The following SRRM4 variants were observed in gnomAD, a reference collection of about 807,000 sequenced individuals.
The protein encoded by SRRM4 is serine/arginine repetitive matrix 4, also known as serine/arginine repetitive matrix protein 4.
Under a neutral mutation model 68.9 loss-of-function variants are expected in SRRM4, and 33 were observed. The observed-to-expected ratio is 0.48, with a 90% confidence interval of 0.36 to 0.64. The LOEUF (loss-of-function observed/expected upper bound fraction) is 0.64. SRRM4 is among the 30% of genes least tolerant of loss of function. The pLI is 0.00. For synonymous variants in SRRM4, 318 were observed against 318.8 expected (o/e 1.00, Z 0.03); for missense variants, 817 against 827.1 (o/e 0.99, Z 0.15).
intron 1 of SRRM4, among the ~76,000 whole-genome samples, chr12:119,096,022 TTTTA>T (rs1368571044): frequency 7.3e-5 from 11 of 151,332 alleles, no homozygotes; most frequent in Non-Finnish European, 1.2e-4. Context: ...CTCAGTTGAT[TTTTA>T]TTTATTTATT....
At chr12:119,093,979 G>C (rs1383217732) in intron 1 of SRRM4, among the ~76,000 whole-genome samples, 1 of 152,136 alleles carries the variant, frequency 6.6e-6, no homozygotes. Flanking sequence ...TCAAAACCCG[G>C]TCAGGTTGGG....
intron 1 of SRRM4, among the ~76,000 whole-genome samples, chr12:119,094,639 C>A (rs1259505326): frequency 2.6e-5 from 4 of 152,196 alleles, no homozygotes; most frequent in African/African-American, 7.2e-5. Context: ...ACTTTCCTGA[C>A]CAATTTCTAT....
At chr12:119,129,872 AATGGATGGATGGATGGATGG>A (rs112594447) in intron 7 of SRRM4, among the ~76,000 whole-genome samples, 6 of 137,000 alleles carry the variant, frequency 4.4e-5, no homozygotes, top group African/African-American at 1.7e-4. Flanking sequence ...TAGTTGGACA[AATGGATGGATGGATGGATGG>A]ATGGATGGAT....
chr12:119,105,043 C>T (rs1265361944), intron 2 of SRRM4, among the ~76,000 whole-genome samples: 1 of 140,230 alleles, frequency 7.1e-6, no homozygotes, highest in Non-Finnish European at 1.5e-5. Flanking sequence ...TTGTTCAATT[C>T]CCACCTATGA....
intron 1 of SRRM4, among the ~76,000 whole-genome samples, chr12:119,075,440 G>A (rs960766261): frequency 1.9e-4 from 6 of 31,592 alleles, no homozygotes; most frequent in South Asian, 1.8e-3. Flanking sequence ...GATGATGATG[G>A]TGATGATGAT....
chr12:119,137,785 C>T (rs1298676846), intron 8 of SRRM4, among the ~76,000 whole-genome samples: 1 of 151,850 alleles, frequency 6.6e-6, no homozygotes, highest in Non-Finnish European at 1.5e-5. Context: ...CTACCCTGAC[C>T]CAGAGAGAAA....
chr12:119,130,595 C>T, intron 7 of SRRM4, 83 bp from the exon 8 acceptor site: 9 of 1,370,888 alleles, frequency 6.6e-6, no homozygotes, highest in Non-Finnish European at 8.9e-6. Context: ...ACTTTATCAT[C>T]CTCAGATCCT....
chr12:119,110,736 T>G (rs536410403), intron 2 of SRRM4, among the ~76,000 whole-genome samples: 1 of 152,278 alleles, frequency 6.6e-6, no homozygotes, highest in Admixed American at 6.5e-5. Context: ...CGGCTTCCCT[T>G]GGCTAGGAAA....
At chr12:119,142,736 A>T (rs926635654) in intron 8 of SRRM4, among the ~76,000 whole-genome samples, 10 of 152,086 alleles carry the variant, frequency 6.6e-5, no homozygotes, top group Admixed American at 2.6e-4. Context: ...ACCACTCACC[A>T]TCTCTGGGGC....
intron 1 of SRRM4, among the ~76,000 whole-genome samples, chr12:119,077,745 C>T (rs1332415104): frequency 1.3e-5 from 2 of 152,184 alleles, no homozygotes; most frequent in Non-Finnish European, 2.9e-5. Flanking sequence ...AGTACCCTAT[C>T]TGGCACACAG....
At chr12:119,042,955 A>T (rs916433519) in intron 1 of SRRM4, among the ~76,000 whole-genome samples, 4 of 152,202 alleles carry the variant, frequency 2.6e-5, no homozygotes, top group African/African-American at 9.7e-5. Context: ...AGTGTAAATT[A>T]GTTCCACCAT....
At chr12:119,050,471 A>G (rs1953735611) in intron 1 of SRRM4, among the ~76,000 whole-genome samples, 2 of 152,240 alleles carry the variant, frequency 1.3e-5, no homozygotes, top group South Asian at 2.1e-4. Flanking sequence ...GTAGGTGTTC[A>G]TAAATTTTCC....
chr12:118,983,883 C>CT (rs893722374), intron 1 of SRRM4, among the ~76,000 whole-genome samples: 1 of 152,172 alleles, frequency 6.6e-6, no homozygotes, highest in African/African-American at 2.4e-5. Context: ...AATCCTGAGA[C>CT]TTTTATAATA....
At position 119,154,448 on chromosome 12, in the gene SRRM4, G is replaced by A; in HGVS notation, c.1532+65G>A. Reference sequence around the variant, plus strand: ...TTCCCACTCCCATTCTTACTCATTCGAGCCTCAGGCTCTCCCTAGGCCTCC... The same window carrying A: ...TTCCCACTCCCATTCTTACTCATTCAAGCCTCAGGCTCTCCCTAGGCCTCC... On this transcript the variant is annotated intron_variant, in intron 12 of 12. Coordinates refer to ENST00000267260, the MANE Select transcript of SRRM4 (RefSeq NM_194286.4). This position sits in a 1 kb window ranked among gnomAD's most constrained non-coding sequence, Gnocchi z 4.7. 1 of 1,575,354 alleles carries A rather than the reference G, an allele frequency of 6.3e-7. No homozygotes were observed. The highest frequency in any genetic ancestry group is 1.1e-5 in the South Asian group (1 of 87,330).
At chr12:119,105,766 C>A (rs1275197715) in intron 2 of SRRM4, among the ~76,000 whole-genome samples, 1 of 151,634 alleles carries the variant, frequency 6.6e-6, no homozygotes, top group Non-Finnish European at 1.5e-5. Context: ...TCCCATTCTG[C>A]AGGTTGCCTG....
intron 1 of SRRM4, among the ~76,000 whole-genome samples, chr12:119,015,349 C>G (rs1023693969): frequency 1.3e-5 from 2 of 152,230 alleles, no homozygotes; most frequent in African/African-American, 4.8e-5. Context: ...ATAAACCCCA[C>G]TGCTATTGAC....
intron 1 of SRRM4, among the ~76,000 whole-genome samples, chr12:119,024,254 C>T (rs1953533830): frequency 6.6e-6 from 1 of 152,148 alleles, no homozygotes; most frequent in Admixed American, 6.5e-5. Flanking sequence ...TGACAAGGGC[C>T]AGAACTCAAA....
At chr12:118,993,782 A>G (rs1020182904) in intron 1 of SRRM4, 1 of 152,230 alleles carries the variant, frequency 6.6e-6, no homozygotes, top group African/African-American at 2.4e-5. Context: ...CAAGCAATCA[A>G]TGCCATTGAC....
chr12:119,154,421 C>G lies in SRRM4; in HGVS notation c.1532+38C>G, dbSNP rs868535153. On this transcript the variant is annotated intron_variant, in intron 12 of 12. Coordinates refer to ENST00000267260, the MANE Select transcript of SRRM4 (RefSeq NM_194286.4). The surrounding 1 kb of genome is among the most constrained non-coding windows in gnomAD (Gnocchi z 4.7). The stretch of plus-strand genomic sequence containing the variant: ...GGCAAGGGGGACCCACCTTCATCCT[C>G]GTTCCCACTCCCATTCTTACTCATT... The G allele has an allele frequency of 1.2e-6, 2 of 1,604,116 alleles. No homozygotes were observed. The highest frequency in any genetic ancestry group is 1.1e-5 in the South Asian group (1 of 89,652).
Sources: gnomAD v4.1 joint callset for allele counts (sites outside exome capture counted in the v4.1 genomes callset) on GRCh38, gnomAD v4.1.1 for gene constraint, Gnocchi (gnomAD v3.1) non-coding constraint, MANE v1.5 for transcripts, NCBI Gene and HGNC (gene_info 2026-07-23, HGNC 2026-07-21) for gene names.